Variants in SPEGNB observed in about 807,000 individuals in gnomAD.
The protein encoded by SPEGNB is SPEG neighbor protein.
A neutral mutation model predicts 18.3 loss-of-function variants in SPEGNB; 12 were observed. The observed-to-expected ratio is 0.65, with a 90% CI of 0.42 to 1.06. SPEGNB has a LOEUF of 1.06. SPEGNB is among the 50% of genes least tolerant of loss of function. The pLI is 0.00. For missense variants in SPEGNB, 273 were observed against 329.3 expected, an observed-to-expected ratio of 0.83 and a Z score of 1.32; for synonymous variants, 113 against 138.8, an observed-to-expected ratio of 0.81 and a Z score of 1.31.
chr2:219,496,688 C>T, intron 2 of SPEGNB, 121 bp from the exon 3 acceptor site: 4 of 1,031,534 alleles, frequency 3.9e-6, no homozygotes, highest in Non-Finnish European at 5.0e-6. Flanking sequence ...TCTTCCCTAC[C>T]AAGCCACACG....
At chr2:219,497,534 A>T (rs1391270731) in intron 3 of SPEGNB, 186 bp from the exon 4 acceptor site, 2 of 628,232 alleles carry the variant, frequency 3.2e-6, no homozygotes, top group Non-Finnish European at 4.7e-6. Context: ...CCCGAGAAGT[A>T]GGAGAGGCAG....
chr2:219,497,187 A>G, intron 3 of SPEGNB, 71 bp downstream of exon 3: 1 of 1,087,766 alleles, frequency 9.2e-7, no homozygotes, highest in Non-Finnish European at 1.2e-6. Flanking sequence ...AGCCCGGTCC[A>G]GCTGCGCGTG....
Position 219,496,902 on chromosome 2 carries a change from T to G in SPEGNB, c.222T>G (p.Thr74=). 7.7e-7 allele frequency: 1 copy of G among 1,298,734 alleles called. No homozygotes were observed. The highest frequency in any genetic ancestry group is 1.0e-6 in the Non-Finnish European group (1 of 984,728). 80.5% of individuals were successfully genotyped at this position (1,298,734 alleles called of 1,614,324 possible). The stretch of plus-strand genomic sequence containing the variant: ...TCGAAGGCAGCGCGGCCAAGCTCAC[T>G]TGCCGCATTTCGGCTTTCCCGGACC... ...VLIEGSAAKL[T]CRISAFPDPF... is the part of the protein sequence containing the mutation. Residue 74 remains threonine (T), a synonymous_variant, in exon 3 of 5, where the codon ACT becomes ACG. Coordinates refer to ENST00000651166, the MANE Select transcript of SPEGNB (RefSeq NM_001286811.2).
chr2:219,496,814 G>A lies in SPEGNB; in HGVS notation c.134G>A (p.Arg45Gln), dbSNP rs1052524807. ...CTGACTCGGCCCGCGGGTAGGTCCC[G>A]GAAGGAGCTGCGCGAGAAGGGGCCG... ...IQASYRGHRS[R>Q]KELREKGPPR... The change falls in exon 3 of 5, where the codon CGG becomes CAG. Residue 45 changes from arginine (R) to glutamine (Q), a missense_variant. Physicochemically the swap from Arg to Gln is conservative, Grantham distance 43. Coordinates refer to ENST00000651166, the MANE Select transcript of SPEGNB (RefSeq NM_001286811.2). 4.0e-6 allele frequency: 5 copies of A among 1,242,424 alleles called. No homozygotes were observed. The African/African-American group carries it at 6.2e-5, about 15-fold the overall frequency. 77.0% of individuals were successfully genotyped at this position (1,242,424 alleles called of 1,614,324 possible).
In SPEGNB at chr2:219,496,207, A is replaced by G; in HGVS notation, c.-11A>G. 1.4e-6 allele frequency: 1 copy of G among 708,590 alleles called. No homozygotes were observed. 43.9% of individuals were successfully genotyped at this position (708,590 alleles called of 1,614,324 possible). On this transcript the variant is annotated 5_prime_UTR_variant, in exon 1 of 5. Transcript: ENST00000651166. ...CCAGTCGACTCAAGTCCCTAGGTCAACCCCTCCACGGTGAGTCTGATCCTC... is the reference window on the plus strand; with the variant it reads ...CCAGTCGACTCAAGTCCCTAGGTCAGCCCCTCCACGGTGAGTCTGATCCTC...
chr2:219,496,380 A>T lies in SPEGNB; in HGVS notation c.26A>T (p.Lys9Met), dbSNP rs113498803. The change falls in exon 2 of 5, where the codon AAG becomes ATG. Residue 9 changes from lysine to methionine, a missense_variant. Physicochemically the swap from Lys to Met is moderately conservative, Grantham distance 95. Transcript: ENST00000651166. ...ATGTCTAAAGCAGCTCCTGCCAAAAAGCCAGTGGCTGTGGCCCCAGCTCCT... is the reference window on the plus strand; with the variant it reads ...ATGTCTAAAGCAGCTCCTGCCAAAATGCCAGTGGCTGTGGCCCCAGCTCCT... MSKAAPAK[K>M]PVAVAPAPGC... 5.6e-3 allele frequency: 7,168 copies of T among 1,280,346 alleles called. 332 individuals are homozygous for T. The African/African-American group carries it at 0.095, about 17-fold the overall frequency. 79.3% of individuals were successfully genotyped at this position (1,280,346 alleles called of 1,614,324 possible).
intron 3 of SPEGNB, 85 bp from the exon 4 acceptor site, chr2:219,497,635 T>C: frequency 8.0e-7 from 1 of 1,248,160 alleles, no homozygotes. Context: ...CATCTGTATT[T>C]AGTGCCGGGT....
intron 3 of SPEGNB, 121 bp from the exon 4 acceptor site, chr2:219,497,599 T>C: frequency 1.7e-6 from 2 of 1,169,690 alleles, no homozygotes; most frequent in Non-Finnish European, 2.2e-6. Flanking sequence ...AATGATTTGC[T>C]CAACGTCACA....
At position 219,496,893 on chromosome 2, in the gene SPEGNB, C is replaced by G. The variant is rs1469164083; in HGVS notation, c.213C>G (p.Ala71=). The change falls in exon 3 of 5, where the codon GCC becomes GCG. Residue 71 remains alanine, a synonymous_variant. Transcript: ENST00000651166. Reference sequence around the variant, plus strand: ...TGGTGCTGATCGAAGGCAGCGCGGCCAAGCTCACTTGCCGCATTTCGGCTT... The same window carrying G: ...TGGTGCTGATCGAAGGCAGCGCGGCGAAGCTCACTTGCCGCATTTCGGCTT... ...KDVVLIEGSA[A]KLTCRISAFP... is the part of the protein sequence containing the mutation. The G allele has an allele frequency of 7.7e-7, 1 of 1,296,634 alleles. No homozygotes were observed. Among genetic ancestry groups the G allele is most frequent in the Admixed American group, 2.3e-5 (1 of 43,326 alleles). The allele number at this position is 1,296,634 out of a possible 1,614,324, so 80.3% of individuals were successfully genotyped here.
chr2:219,497,762 G>A lies in SPEGNB; in HGVS notation c.479G>A (p.Arg160His), dbSNP rs1370644707. 2.3e-6 allele frequency: 3 copies of A among 1,304,202 alleles called. No homozygotes were observed. Among genetic ancestry groups the A allele is most frequent in the East Asian group, 5.5e-5 (1 of 18,040 alleles). The allele number at this position is 1,304,202 out of a possible 1,614,324, so 80.8% of individuals were successfully genotyped here. ...IQKGPDNTKA[R>H]KGTTVTLTAE... ...AAGGGACCCGACAACACTAAGGCGC[G>A]CAAAGGCACCACCGTGACGCTGACT... Residue 160 changes from arginine (R) to histidine (H), a missense_variant, in exon 4 of 5, where the codon CGC becomes CAC. By Grantham distance (29) the Arg-to-His change is conservative. Transcript: ENST00000651166.
Position 219,497,803 on chromosome 2 carries a change from G to C in SPEGNB, c.520G>C (p.Glu174Gln). Residue 174 changes from glutamate (E) to glutamine (Q), a missense_variant, in exon 4 of 5, where the codon GAG becomes CAG. Glu to Gln is a conservative substitution (Grantham distance 29, BLOSUM62 2). Transcript: ENST00000651166. ...TVTLTAEILG[E>Q]PAPDVGWTKD... ...GACGCTGACTGCGGAGATCCTGGGA[G>C]AGCCTGCGCCCGACGTAGGCTGGAC... The C allele has an allele frequency of 7.7e-7, 1 of 1,304,328 alleles. No individual in the cohort carries two copies. The highest frequency in any genetic ancestry group is 1.0e-6 in the Non-Finnish European group (1 of 988,968). 80.8% of individuals were successfully genotyped at this position (1,304,328 alleles called of 1,614,324 possible).
rs1228832830 is a variant in SPEGNB at position 219,497,858 on chromosome 2, A to C, written c.575A>C (p.Asp192Ala). ...TKDGEDIEED[D>A]RVFFEIGSTT... ...GACGGGGAGGACATCGAGGAGGATG[A>C]CAGGCGAGGGCCGGGACCTGCGGCA... Residue 192 changes from aspartate to alanine, a missense_variant, in exon 4 of 5, where the codon GAC (aspartate) becomes GCC (alanine). By Grantham distance (126) the Asp-to-Ala change is moderately radical (BLOSUM62 -2). Transcript: ENST00000651166. The C allele has an allele frequency of 7.7e-6, 10 of 1,304,034 alleles. No homozygotes were observed. Among genetic ancestry groups the C allele is most frequent in the Non-Finnish European group, 1.0e-5 (10 of 988,792 alleles). The allele number at this position is 1,304,034 out of a possible 1,614,324, so 80.8% of individuals were successfully genotyped here. A position where few individuals can be genotyped will look rare whatever the true frequency, so the allele number is the denominator to read the frequency against.
intron 3 of SPEGNB, 77 bp from the exon 4 acceptor site, chr2:219,497,643 G>T (rs1298786413): frequency 1.6e-6 from 2 of 1,258,046 alleles, no homozygotes; most frequent in East Asian, 1.1e-4. Context: ...TTTAGTGCCG[G>T]GTATTAGCCG....
chr2:219,496,557 C>G (rs1335791079), intron 2 of SPEGNB, 75 bp downstream of exon 2: 7 of 1,148,624 alleles, frequency 6.1e-6, no homozygotes, highest in African/African-American at 3.2e-5. Flanking sequence ...TTTGAGTAAG[C>G]GCTGAGCAGC....
rs2125617392 is a variant in SPEGNB, at chr2:219,496,592, T to A, written c.128+110T>A. 7 of 1,095,994 alleles carry A rather than the reference T, an allele frequency of 6.4e-6. No individual in the cohort carries two copies. In the South Asian group the frequency reaches 1.3e-4, roughly 21 times the overall value. 67.9% of individuals were successfully genotyped at this position (1,095,994 alleles called of 1,614,324 possible). A position where few individuals can be genotyped will look rare whatever the true frequency, so the allele number is the denominator to read the frequency against. ...CGTCAGGAGCCTTTAGAATGAGTGGTCTCAGGGGAGGGTCGTTACTGAGGT... is the reference window on the plus strand; with the variant it reads ...CGTCAGGAGCCTTTAGAATGAGTGGACTCAGGGGAGGGTCGTTACTGAGGT... On this transcript the variant is annotated intron_variant, in intron 2 of 4. Coordinates refer to ENST00000651166, the MANE Select transcript of SPEGNB (RefSeq NM_001286811.2).
rs1291054130 is a variant in SPEGNB at position 219,498,181 on chromosome 2, G to A, written c.709G>A (p.Val237Met). 1.5e-6 allele frequency: 2 copies of A among 1,303,386 alleles called. No homozygotes were observed. The highest frequency in any genetic ancestry group is 2.3e-5 in the Admixed American group (1 of 43,482). The allele number at this position is 1,303,386 out of a possible 1,614,324, so 80.7% of individuals were successfully genotyped here. A position where few individuals can be genotyped will look rare whatever the true frequency, so the allele number is the denominator to read the frequency against. ...GGACCAGAGCTTCGCTCGCGTCGAC[G>A]TGGCCTGAACGGCACCCCCGGACCT... The part of the protein sequence containing the change: ...GMDQSFARVD[V>M]A Residue 237 changes from valine to methionine, a missense_variant, in exon 5 of 5, where the codon GTG (valine) becomes ATG (methionine). By Grantham distance (21) the Val-to-Met change is conservative. Coordinates refer to ENST00000651166, the MANE Select transcript of SPEGNB (RefSeq NM_001286811.2).
Position 219,496,340 on chromosome 2 carries a change from T to C in SPEGNB, c.1-15T>C. 1 of 1,217,926 alleles carries C rather than the reference T, an allele frequency of 8.2e-7. No individual in the cohort carries two copies. The highest frequency in any genetic ancestry group is 1.1e-6 in the Non-Finnish European group (1 of 934,976). 75.4% of individuals were successfully genotyped at this position (1,217,926 alleles called of 1,614,324 possible). The stretch of plus-strand genomic sequence containing the variant: ...GTCTCAACCTGGACCCCCATATTTG[T>C]CGCCCACTCCCCAGATGTCTAAAGC... On this transcript the variant is annotated splice_polypyrimidine_tract_variant and intron_variant, in intron 1 of 4. Transcript: ENST00000651166.
In SPEGNB at chr2:219,497,821, G is replaced by T; in HGVS notation, c.538G>T (p.Gly180Cys). Residue 180 changes from glycine to cysteine, a missense_variant, in exon 4 of 5, where the codon GGC becomes TGC. Gly to Cys is a radical substitution (Grantham distance 159). Coordinates refer to ENST00000651166, the MANE Select transcript of SPEGNB (RefSeq NM_001286811.2). ...EILGEPAPDV[G>C]WTKDGEDIEE... ...CCTGGGAGAGCCTGCGCCCGACGTA[G>T]GCTGGACCAAGGACGGGGAGGACAT... 1.5e-6 allele frequency: 2 copies of T among 1,304,306 alleles called. No individual in the cohort carries two copies. The highest frequency in any genetic ancestry group is 2.0e-6 in the Non-Finnish European group (2 of 988,958). 80.8% of individuals were successfully genotyped at this position (1,304,306 alleles called of 1,614,324 possible).
intron 1 of SPEGNB, 24 bp downstream of exon 1, chr2:219,496,241 C>T (rs896487806): frequency 8.1e-6 from 8 of 991,768 alleles, no homozygotes; most frequent in Non-Finnish European, 1.0e-5. Flanking sequence ...TCAGAGAAGC[C>T]GCAGACACCC....
Sources: allele counts gnomAD v4.1 joint callset, GRCh38; gene constraint gnomAD v4.1.1; transcripts MANE v1.5; gene names NCBI Gene and HGNC (gene_info 2026-07-23, HGNC 2026-07-21).